Variants in STK38 observed in about 807,000 individuals in gnomAD.
STK38 encodes the protein serine/threonine kinase 38, also known as serine/threonine-protein kinase 38.
In STK38, 26 loss-of-function variants were observed where a neutral mutation model predicts 59.0. The observed-to-expected ratio is 0.44, with a 90% CI of 0.32 to 0.61. STK38 has a LOEUF of 0.61. Among genes scored for constraint, STK38 ranks in the 20% least tolerant of loss-of-function variants. The probability of loss-of-function intolerance (pLI) is 0.04; values close to 1 mark genes in which losing one functional copy is unlikely to be tolerated. For missense variants in STK38, 433 were observed against 566.0 expected (o/e 0.76, Z 2.38); for synonymous variants, 175 against 176.6 (o/e 0.99, Z 0.07).
Position 36,524,476 on chromosome 6 carries a change from TA to T in STK38, c.184-14del. On this transcript the variant is annotated splice_polypyrimidine_tract_variant and intron_variant, in intron 3 of 13. Transcript: ENST00000229812. ...TCCGGAGTCGTTTCTAATATTTAAA[TA>T]AAAAAGGGAGGAGACGGGAAGGAAC... is the stretch of plus-strand genomic sequence containing the variant. The T allele has an allele frequency of 2.5e-6, 4 of 1,577,674 alleles. No homozygotes were observed. The highest frequency in any genetic ancestry group is 8.6e-7 in the Non-Finnish European group (1 of 1,166,900).
chr6:36,512,553 A>G (rs1007018274), intron 7 of STK38, among the ~76,000 whole-genome samples: 25 of 152,360 alleles, frequency 1.6e-4, no homozygotes, highest in African/African-American at 6.0e-4. Context: ...ATACAAAGCT[A>G]TTTACTTTTA....
intron 9 of STK38, 81 bp downstream of exon 9, chr6:36,506,502 C>A: frequency 6.8e-7 from 1 of 1,460,934 alleles, no homozygotes; most frequent in South Asian, 1.2e-5. Flanking sequence ...AAATATTTGT[C>A]AAATGCAAAT....
At position 36,517,877 on chromosome 6, in the gene STK38, C is replaced by T. The variant is rs781684925; in HGVS notation, c.391-37G>A. ...TGCATTTGATTAATGACAAAGCTTGCTCTGCTTTATTAGATTGTATATTTG... is the reference window on the plus strand; with the variant it reads ...TGCATTTGATTAATGACAAAGCTTGTTCTGCTTTATTAGATTGTATATTTG... On this transcript the variant is annotated intron_variant, in intron 5 of 13. Coordinates refer to ENST00000229812, the MANE Select transcript of STK38 (RefSeq NM_007271.4). 2.5e-6 allele frequency: 4 copies of T among 1,608,738 alleles called. No homozygotes were observed. The Admixed American group carries it at 5.1e-5, about 20-fold the overall frequency.
chr6:36,536,409 G>A (rs766364774), intron 2 of STK38, among the ~76,000 whole-genome samples: 28 of 152,120 alleles, frequency 1.8e-4, no homozygotes, highest in African/African-American at 6.5e-4. Flanking sequence ...CGTAGCTAAC[G>A]TAAGTCCAGC....
intron 2 of STK38, among the ~76,000 whole-genome samples, chr6:36,531,331 GT>G (rs1467251168): frequency 1.3e-5 from 2 of 152,112 alleles, no homozygotes; most frequent in Non-Finnish European, 2.9e-5. Context: ...TAAATTAGGT[GT>G]TTATGGTTTT....
intron 7 of STK38, among the ~76,000 whole-genome samples, chr6:36,513,173 C>A (rs1777153823): frequency 6.6e-6 from 1 of 151,950 alleles, no homozygotes; most frequent in African/African-American, 2.4e-5. Flanking sequence ...GTGCCCATCA[C>A]TACACCCAGC....
At chr6:36,507,930 A>AT (rs35789250) in intron 7 of STK38, among the ~76,000 whole-genome samples, 10,494 of 113,042 alleles carry the variant, frequency 0.093, 925 homozygotes, top group African/African-American at 0.19. Flanking sequence ...GGTATTCAGA[A>AT]TTTTTTTTTT....
intron 1 of STK38, among the ~76,000 whole-genome samples, chr6:36,545,451 G>C (rs965555168): frequency 7.2e-5 from 11 of 151,900 alleles, no homozygotes; most frequent in African/African-American, 2.7e-4. Flanking sequence ...TCAAATATTA[G>C]ACCAACAAAT....
At chr6:36,524,724 T>C (rs1247449340) in intron 3 of STK38, among the ~76,000 whole-genome samples, 2 of 152,214 alleles carry the variant, frequency 1.3e-5, no homozygotes, top group Non-Finnish European at 2.9e-5. Flanking sequence ...AGCAATCCAC[T>C]ATCCTAACAT....
intron 3 of STK38, among the ~76,000 whole-genome samples, chr6:36,525,047 A>G (rs6911877): frequency 0.24 from 36,050 of 152,000 alleles, 4,508 homozygotes; most frequent in East Asian, 0.39. Context: ...TAAAGATTTC[A>G]GGAACATGAC....
intron 7 of STK38, among the ~76,000 whole-genome samples, chr6:36,508,662 T>C (rs936209036): frequency 3.9e-5 from 6 of 152,242 alleles, no homozygotes; most frequent in Non-Finnish European, 7.3e-5. Context: ...CTGGGCTCAT[T>C]CCGCCCACTC....
chr6:36,506,725 CAT>C (rs1582412845), intron 8 of STK38, 81 bp from the exon 9 acceptor site: 9 of 1,251,802 alleles, frequency 7.2e-6, no homozygotes, highest in African/African-American at 1.5e-5. Flanking sequence ...TTTCAAGTCA[CAT>C]GAGACCCTAA....
intron 7 of STK38, among the ~76,000 whole-genome samples, chr6:36,514,544 G>A (rs1413295066): frequency 6.6e-6 from 1 of 152,174 alleles, no homozygotes; most frequent in Non-Finnish European, 1.5e-5. Flanking sequence ...TAAGAACAGT[G>A]AGATCCAGGT....
intron 2 of STK38, among the ~76,000 whole-genome samples, chr6:36,537,888 C>A (rs1331760405): frequency 6.8e-6 from 1 of 148,086 alleles, no homozygotes; most frequent in African/African-American, 2.5e-5. Context: ...AACAAAACAA[C>A]ACCCCGTCTC....
intron 4 of STK38, chr6:36,522,613 T>C (rs1014919776): frequency 6.6e-6 from 1 of 152,032 alleles, no homozygotes; most frequent in African/African-American, 2.4e-5. Context: ...TCTCAGCACT[T>C]TGGAAGGCCG....
intron 1 of STK38, among the ~76,000 whole-genome samples, chr6:36,545,500 TATAATG>T (rs1274349428): frequency 6.6e-6 from 1 of 152,116 alleles, no homozygotes; most frequent in Non-Finnish European, 1.5e-5. Context: ...GAGTTTCTAA[TATAATG>T]ATAAAGACTG....
At chr6:36,527,207 A>AATATATATATATATATATAT (rs1554168829) in intron 2 of STK38, among the ~76,000 whole-genome samples, 5 of 119,346 alleles carry the variant, frequency 4.2e-5, no homozygotes, top group Admixed American at 4.1e-4. Context: ...AAAAAAAAAA[A>AATATATATATATATATATAT]ATATATGTAT....
chr6:36,515,331 C>G lies in STK38; in HGVS notation c.669+7G>C, dbSNP rs781030312. 4.3e-6 allele frequency: 7 copies of G among 1,613,596 alleles called. No homozygotes were observed. Among genetic ancestry groups the G allele is most frequent in the South Asian group, 3.3e-5 (3 of 91,034 alleles). On this transcript the variant is annotated splice_region_variant and intron_variant, in intron 7 of 13. Transcript: ENST00000229812. The stretch of plus-strand genomic sequence containing the variant: ...GTGCATAGTTCATGCCAATGCCCCC[C>G]CAATACCTTGCTGTCCAAAAGAAGG...
At position 36,540,703 on chromosome 6, in the gene STK38, C is replaced by T. The variant is rs563528753; in HGVS notation, c.-5-496G>A. On this transcript the variant is annotated intron_variant, in intron 1 of 13. Coordinates refer to ENST00000229812, the MANE Select transcript of STK38 (RefSeq NM_007271.4). Reference sequence around the variant, plus strand: ...GTGCGACAGGATGATCTTGGCTCACCGCAACCTCCACCTTCCAGGTTCAAT... The same window carrying T: ...GTGCGACAGGATGATCTTGGCTCACTGCAACCTCCACCTTCCAGGTTCAAT... Among the ~76,000 whole-genome samples the T allele has an allele frequency of 5.3e-5, 8 of 149,918 alleles. No homozygotes were observed. The East Asian group carries it at 7.9e-4, about 15-fold the overall frequency.
Sources: gnomAD v4.1 joint callset for allele counts (sites outside exome capture counted in the v4.1 genomes callset) on GRCh38, gnomAD v4.1.1 for gene constraint, MANE v1.5 for transcripts, NCBI Gene and HGNC (gene_info 2026-07-23, HGNC 2026-07-21) for gene names.